The following ZNF385D variants were observed in gnomAD, a reference collection of about 807,000 sequenced individuals.
The protein encoded by ZNF385D is zinc finger protein 385D, also known as zinc finger protein 659.
A neutral mutation model predicts 35.8 loss-of-function variants in ZNF385D; 15 were observed. That is an observed-to-expected ratio of 0.42 (90% CI 0.28 to 0.64). The LOEUF (loss-of-function observed/expected upper bound fraction) is 0.64. Ranked by LOEUF, ZNF385D falls within the 30% of genes least tolerant of loss-of-function variation. The probability of loss-of-function intolerance (pLI) is 0.23; values close to 1 mark genes in which losing one functional copy is unlikely to be tolerated. For missense variants in ZNF385D, 474 were observed against 494.6 expected, an observed-to-expected ratio of 0.96 and a Z score of 0.39; for synonymous variants, 212 against 186.8, an observed-to-expected ratio of 1.13 and a Z score of -1.10.
chr3:21,942,559 T>C (rs1467432396), intron 3 of ZNF385D: 3 of 152,236 alleles, frequency 2.0e-5, no homozygotes, highest in Non-Finnish European at 4.4e-5. Flanking sequence ...TGGCAGGCAA[T>C]GCTCTGAGCT....
chr3:21,691,949 T>C (rs2067300307), intron 1 of ZNF385D, among the ~76,000 whole-genome samples: 1 of 152,180 alleles, frequency 6.6e-6, no homozygotes. Flanking sequence ...CTGACTACTC[T>C]AAATATCTCC....
chr3:21,748,641 C>A (rs1399943051), intron 1 of ZNF385D, among the ~76,000 whole-genome samples: 2 of 152,102 alleles, frequency 1.3e-5, no homozygotes, highest in Non-Finnish European at 2.9e-5. Flanking sequence ...CCCTGTTCTC[C>A]CTGACTTGAT....
At chr3:21,748,053 A>T (rs1879166) in intron 1 of ZNF385D, among the ~76,000 whole-genome samples, 1 of 152,126 alleles carries the variant, frequency 6.6e-6, no homozygotes, top group Non-Finnish European at 1.5e-5. Flanking sequence ...GCAAGATCCA[A>T]GATTGATAGA....
At chr3:22,009,572 G>A (rs1576144104) in intron 3 of ZNF385D, among the ~76,000 whole-genome samples, 2 of 148,386 alleles carry the variant, frequency 1.3e-5, no homozygotes, top group South Asian at 4.3e-4. Flanking sequence ...GCAGTGAGGC[G>A]AAATTGCACA....
intron 1 of ZNF385D, among the ~76,000 whole-genome samples, chr3:21,669,436 A>G (rs1185572871): frequency 1.3e-5 from 2 of 152,242 alleles, no homozygotes; most frequent in African/African-American, 4.8e-5. Context: ...AAAGGGCCGT[A>G]TATTCACAAA....
chr3:22,185,876 G>C (rs17638166), intron 2 of ZNF385D, among the ~76,000 whole-genome samples: 94,400 of 152,152 alleles, frequency 0.62, 31,466 homozygotes, highest in African/African-American at 0.87. Flanking sequence ...TTATTGCTGA[G>C]TGTATTGTAC....
At chr3:22,146,013 G>C (rs1704829699) in intron 3 of ZNF385D, among the ~76,000 whole-genome samples, 2 of 152,112 alleles carry the variant, frequency 1.3e-5, no homozygotes, top group Admixed American at 1.3e-4. Flanking sequence ...TGAAAGATGA[G>C]TGAAACAGTA....
rs759616536 is a variant in ZNF385D at position 21,479,053 on chromosome 3, A to G, written c.439+31808T>C. ...TATATTTCTTGTAAATATTGGGTAT[A>G]TATATATAAATTACTGTGACTACAT... On this transcript the variant is annotated intron_variant, in intron 4 of 7. Transcript: ENST00000281523. 4.0e-5 allele frequency among the ~76,000 whole-genome samples: 6 copies of G among 151,598 alleles called. No individual in the cohort carries two copies. The South Asian group carries it at 1.2e-3, about 32-fold the overall frequency.
chr3:21,587,389 A>C (rs541811337), intron 2 of ZNF385D, among the ~76,000 whole-genome samples: 1 of 152,272 alleles, frequency 6.6e-6, no homozygotes, highest in African/African-American at 2.4e-5. Flanking sequence ...GAGACTGGGG[A>C]CATTTTTAGG....
chr3:22,248,985 C>G (rs938722840), intron 2 of ZNF385D, among the ~76,000 whole-genome samples: 1 of 152,126 alleles, frequency 6.6e-6, no homozygotes, highest in Admixed American at 6.6e-5. Flanking sequence ...TGTAAGTATT[C>G]TGACTGATGG....
At chr3:21,597,360 C>CAAA (rs139400366) in intron 2 of ZNF385D, among the ~76,000 whole-genome samples, 1 of 145,878 alleles carries the variant, frequency 6.9e-6, no homozygotes. Context: ...ACTGTTAATT[C>CAAA]AAAAAAAAAA....
intron 4 of ZNF385D, among the ~76,000 whole-genome samples, chr3:21,457,590 G>A (rs935777265): frequency 1.6e-4 from 24 of 152,024 alleles, no homozygotes; most frequent in Admixed American, 5.9e-4. Context: ...TCCTGAACTC[G>A]TGATCCACCT....
At chr3:22,084,507 C>G (rs1700925980) in intron 3 of ZNF385D, among the ~76,000 whole-genome samples, 1 of 152,152 alleles carries the variant, frequency 6.6e-6, no homozygotes, top group African/African-American at 2.4e-5. Flanking sequence ...GTAAAGGGAT[C>G]AATTCAACAA....
chr3:21,663,913 ATATATT>A (rs1382234999), intron 2 of ZNF385D, among the ~76,000 whole-genome samples: 6 of 121,416 alleles, frequency 4.9e-5, no homozygotes, highest in East Asian at 2.3e-4. Context: ...ATATATATAT[ATATATT>A]TATTTATTTA....
intron 4 of ZNF385D, among the ~76,000 whole-genome samples, chr3:21,441,133 GA>G (rs1701839268): frequency 6.6e-6 from 1 of 152,102 alleles, no homozygotes; most frequent in African/African-American, 2.4e-5. Context: ...ATAAAGACTT[GA>G]AATAATAACT....
chr3:21,775,770 A>T lies in ZNF385D; in HGVS notation c.326-110742T>A, dbSNP rs112432394. 8.6e-3 allele frequency among the ~76,000 whole-genome samples: 1,304 copies of T among 151,948 alleles called. 9 individuals are homozygous for T. The highest frequency in any genetic ancestry group is 0.014 in the Non-Finnish European group (933 of 67,826). On this transcript the variant is annotated intron_variant, in intron 3 of 5. Coordinates refer to the ZNF385D transcript ENST00000494108. ...TATTGATTTAAGAATATCCTTCTAG[A>T]GTAAATTTTTAGATTGTCTGAGCTA...
chr3:22,059,176 G>A (rs1287634529), intron 3 of ZNF385D, among the ~76,000 whole-genome samples: 2 of 152,170 alleles, frequency 1.3e-5, no homozygotes, highest in Non-Finnish European at 2.9e-5. Context: ...ATCATTGGAG[G>A]TGACTGCCCT....
chr3:22,186,555 C>G lies in ZNF385D; in HGVS notation c.107-17520G>C, dbSNP rs187323257. The stretch of plus-strand genomic sequence containing the variant: ...ATTGTATCATTTCACTTTACCTGTC[C>G]TGATTTCATGACCATCATGCAACCT... On this transcript the variant is annotated intron_variant, in intron 2 of 5. Transcript: ENST00000494108. Among the ~76,000 whole-genome samples, 9 of 152,224 alleles carry G rather than the reference C, an allele frequency of 5.9e-5. No homozygotes were observed. The East Asian group carries it at 1.4e-3, about 23-fold the overall frequency.
At chr3:21,983,131 T>A (rs1238945523) in intron 3 of ZNF385D, among the ~76,000 whole-genome samples, 1 of 148,474 alleles carries the variant, frequency 6.7e-6, no homozygotes, top group Non-Finnish European at 1.5e-5. Context: ...GAGTCCCTCC[T>A]CCTCAATTTT....
Sources: gnomAD v4.1 joint callset for allele counts (sites outside exome capture counted in the v4.1 genomes callset) on GRCh38, gnomAD v4.1.1 for gene constraint, MANE v1.5 for transcripts, NCBI Gene and HGNC (gene_info 2026-07-23, HGNC 2026-07-21) for gene names.